Variants in NAV3 observed in about 807,000 individuals in gnomAD.
NAV3 encodes the protein neuron navigator 3.
NAV3 carries 87 observed loss-of-function variants against 244.7 expected under a neutral mutation model. That is an observed-to-expected ratio of 0.36 (90% CI 0.30 to 0.42). The LOEUF (loss-of-function observed/expected upper bound fraction) is 0.42, where lower values mean the gene tolerates loss of function less well. NAV3 is among the 20% of genes least tolerant of loss of function. NAV3 has a pLI of 1.00. For synonymous variants in NAV3, 1,126 were observed against 1,042.2 expected (o/e 1.08, Z -1.55); for missense variants, 2,663 against 2,893.3 (o/e 0.92, Z 1.83).
intron 1 of NAV3, among the ~76,000 whole-genome samples, chr12:77,922,650 T>C (rs1397259276): frequency 6.6e-6 from 1 of 152,180 alleles, no homozygotes; most frequent in East Asian, 1.9e-4. Flanking sequence ...CCTGTGTTCC[T>C]CAACCAGAAA....
chr12:77,902,201 G>C (rs1344742051), intron 1 of NAV3, among the ~76,000 whole-genome samples: 1 of 152,126 alleles, frequency 6.6e-6, no homozygotes, highest in East Asian at 1.9e-4. Context: ...CTGTAATCAG[G>C]ATGCTACTTT....
intron 9 of NAV3, among the ~76,000 whole-genome samples, chr12:78,038,755 C>G (rs1017083051): frequency 6.6e-6 from 1 of 152,160 alleles, no homozygotes; most frequent in African/African-American, 2.4e-5. Context: ...TTTGGATCCT[C>G]TGAAACTGTA....
At chr12:77,718,113 T>TTTGTATTTTG (rs1876443519) in intron 2 of NAV3, among the ~76,000 whole-genome samples, 1 of 152,184 alleles carries the variant, frequency 6.6e-6, no homozygotes, top group African/African-American at 2.4e-5. Context: ...TGCTTTTGTA[T>TTTGTATTTTG]CTTATGCTTT....
chr12:78,070,993 A>T (rs1271527826), intron 12 of NAV3, among the ~76,000 whole-genome samples: 1 of 148,676 alleles, frequency 6.7e-6, no homozygotes, highest in African/African-American at 2.5e-5. Context: ...TGCTGTTGTG[A>T]ATAATGCCGC....
At chr12:77,868,529 G>A (rs1226655898) in intron 1 of NAV3, among the ~76,000 whole-genome samples, 2 of 151,976 alleles carry the variant, frequency 1.3e-5, no homozygotes, top group Non-Finnish European at 2.9e-5. Flanking sequence ...TCTGAGGCAG[G>A]TGGATCACCT....
At position 78,006,812 on chromosome 12, in the gene NAV3, G is replaced by T. The variant is rs773789932; in HGVS notation, c.1274G>T (p.Gly425Val). The stretch of plus-strand genomic sequence containing the variant: ...TTTTCTGAATCTGGTGAAATGGAAG[G>T]TTTTAACAGTGGTCTGAATAGTGGT... ...DAFSESGEME[G>V]FNSGLNSGGS... Residue 425 changes from glycine (G) to valine (V), a missense_variant, in exon 8 of 40, where the codon GGT becomes GTT. By Grantham distance (109) the Gly-to-Val change is moderately radical (BLOSUM62 -3). Transcript: ENST00000397909. The T allele has an allele frequency of 1.9e-6, 3 of 1,614,152 alleles. No homozygotes were observed. The highest frequency in any genetic ancestry group is 2.2e-5 in the East Asian group (1 of 44,866).
intron 1 of NAV3, among the ~76,000 whole-genome samples, chr12:77,880,635 G>T (rs528703862): frequency 6.6e-6 from 1 of 152,076 alleles, no homozygotes; most frequent in African/African-American, 2.4e-5. Context: ...AAGATATGCC[G>T]CATATATGAT....
Position 78,176,491 on chromosome 12 carries a change from A to G in NAV3, c.5124+32A>G, listed in dbSNP as rs1453922537. On this transcript the variant is annotated intron_variant, in intron 26 of 39. Transcript: ENST00000397909. ...ATAAACCGTGGACAATTTGGCATGC[A>G]TCTATAAAAAAACCCTACCTTGGCA... 3 of 1,611,298 alleles carry G rather than the reference A, an allele frequency of 1.9e-6. No individual in the cohort carries two copies. The East Asian group carries it at 6.7e-5, about 36-fold the overall frequency.
chr12:78,026,345 G>C (rs867211255), intron 9 of NAV3, among the ~76,000 whole-genome samples: 1 of 152,016 alleles, frequency 6.6e-6, no homozygotes. Context: ...TATTAACCTA[G>C]CAAATTGTAC....
intron 1 of NAV3, among the ~76,000 whole-genome samples, chr12:77,861,827 C>G (rs1404377696): frequency 6.6e-6 from 1 of 151,746 alleles, no homozygotes; most frequent in African/African-American, 2.4e-5. Flanking sequence ...TTAGAGTCCA[C>G]AATTGTAAAA....
intron 2 of NAV3, among the ~76,000 whole-genome samples, chr12:77,652,494 TAA>T (rs1221461997): frequency 2.6e-5 from 4 of 152,140 alleles, no homozygotes; most frequent in African/African-American, 9.7e-5. Flanking sequence ...TTCAAAGCAA[TAA>T]AGATGTAAAC....
chr12:78,162,604 G>A (rs1043828530), intron 23 of NAV3, among the ~76,000 whole-genome samples: 2 of 151,284 alleles, frequency 1.3e-5, no homozygotes, highest in African/African-American at 2.4e-5. Flanking sequence ...TGACTCACAC[G>A]TGTAATCCTA....
At position 77,831,333 on chromosome 12, in the gene NAV3, C is replaced by A; in HGVS notation, c.-129C>A. The A allele has an allele frequency of 1.0e-6, 1 of 991,474 alleles. No homozygotes were observed. Among genetic ancestry groups the A allele is most frequent in the East Asian group, 2.8e-5 (1 of 35,486 alleles). The allele number at this position is 991,474 out of a possible 1,614,324, so 61.4% of individuals were successfully genotyped here. A position where few individuals can be genotyped will look rare whatever the true frequency, so the allele number is the denominator to read the frequency against. On this transcript the variant is annotated 5_prime_UTR_variant, in exon 1 of 40. Coordinates refer to ENST00000397909, the MANE Select transcript of NAV3 (RefSeq NM_001024383.2). ...CTCTTCCTGAAAATTATATTATTAGCTTTTTAAAAATCAGGATGACTGCTA... is the reference window on the plus strand; with the variant it reads ...CTCTTCCTGAAAATTATATTATTAGATTTTTAAAAATCAGGATGACTGCTA...
At chr12:77,640,465 G>C (rs1872359602) in intron 2 of NAV3, among the ~76,000 whole-genome samples, 1 of 151,998 alleles carries the variant, frequency 6.6e-6, no homozygotes, top group Non-Finnish European at 1.5e-5. Context: ...ATGCTACTCT[G>C]TGTTCCTATG....
chr12:78,046,658 A>C (rs1398011678), intron 9 of NAV3, among the ~76,000 whole-genome samples: 1 of 152,046 alleles, frequency 6.6e-6, no homozygotes, highest in Non-Finnish European at 1.5e-5. Context: ...CAATTATGTG[A>C]TCAGTTTTAG....
intron 1 of NAV3, among the ~76,000 whole-genome samples, chr12:77,906,141 T>G (rs981470387): frequency 2.0e-5 from 3 of 152,026 alleles, no homozygotes; most frequent in Non-Finnish European, 4.4e-5. Flanking sequence ...GCCGCAAACT[T>G]GCAAAGAAAA....
chr12:78,144,838 G>A (rs1215123478), intron 20 of NAV3, among the ~76,000 whole-genome samples: 1 of 134,302 alleles, frequency 7.4e-6, no homozygotes, highest in African/African-American at 2.8e-5. Flanking sequence ...AATGTAAAAA[G>A]TAGGCCGGGC....
chr12:77,953,239 C>T (rs890203429), intron 3 of NAV3, among the ~76,000 whole-genome samples: 17 of 152,112 alleles, frequency 1.1e-4, no homozygotes, highest in Non-Finnish European at 2.4e-4. Context: ...ATTATATCCT[C>T]GGGAACTTTC....
At position 78,188,759 on chromosome 12, in the gene NAV3, A is replaced by G. The variant is rs1958839404; in HGVS notation, c.6037A>G (p.Ile2013Val). Residue 2013 changes from isoleucine to valine, a missense_variant, in exon 33 of 40, where the codon ATC (isoleucine) becomes GTC (valine). This residue lies in a region of NAV3 where 543 missense variants were observed against 672.4 expected (regional missense o/e 0.81). Coordinates refer to ENST00000397909, the MANE Select transcript of NAV3 (RefSeq NM_001024383.2). ...CGYLVGDNNI[I>V]TVNLKGVEEN... The stretch of plus-strand genomic sequence containing the variant: ...ATACCTTGTTGGAGATAATAACATC[A>G]TCACTGTGAACCTCAAAGGTAAAAG... The G allele has an allele frequency of 6.2e-7, 1 of 1,611,654 alleles. No individual in the cohort carries two copies. The highest frequency in any genetic ancestry group is 1.1e-5 in the South Asian group (1 of 90,982).
Sources: allele counts gnomAD v4.1 joint callset (sites outside exome capture counted in the v4.1 genomes callset), GRCh38; gene constraint gnomAD v4.1.1; regional missense constraint gnomAD v4.1.1; transcripts MANE v1.5; gene names NCBI Gene and HGNC (gene_info 2026-07-23, HGNC 2026-07-21).